PSPC1: variants seen among roughly 807,000 people sequenced by gnomAD.
PSPC1 encodes the protein paraspeckle component 1.
In PSPC1, 14 loss-of-function variants were observed where a neutral mutation model predicts 51.6. The observed-to-expected ratio is 0.27, with a 90% confidence interval of 0.18 to 0.42. The LOEUF (loss-of-function observed/expected upper bound fraction) is 0.42, where lower values mean the gene tolerates loss of function less well. Among genes scored for constraint, PSPC1 ranks in the 10% least tolerant of loss-of-function variants. PSPC1 has a pLI of 1.00. For synonymous variants in PSPC1, 193 were observed against 231.9 expected, an observed-to-expected ratio of 0.83 and a Z score of 1.53; for missense variants, 406 against 701.1, an observed-to-expected ratio of 0.58 and a Z score of 4.75.
intron 7 of PSPC1, 128 bp from the exon 8 acceptor site, chr13:19,705,959 A>G (rs1215128846): frequency 4.3e-6 from 3 of 703,336 alleles, no homozygotes; most frequent in Non-Finnish European, 6.6e-6. Context: ...TAAGAATGCG[A>G]TATGCGTTAT....
At chr13:19,722,611 C>T (rs933633987) in intron 6 of PSPC1, among the ~76,000 whole-genome samples, 13 of 151,326 alleles carry the variant, frequency 8.6e-5, no homozygotes, top group African/African-American at 3.2e-4. Context: ...CTGGCCAACA[C>T]GGTGAAACCC....
At chr13:19,762,935 G>A (rs377507302) in intron 2 of PSPC1, among the ~76,000 whole-genome samples, 4 of 151,960 alleles carry the variant, frequency 2.6e-5, no homozygotes, top group South Asian at 2.1e-4. Flanking sequence ...GTGAAACCCC[G>A]TCTCTACTAA....
At chr13:19,752,590 A>T (rs574832873) in intron 3 of PSPC1, among the ~76,000 whole-genome samples, 2,427 of 149,996 alleles carry the variant, frequency 0.016, 56 homozygotes, top group African/African-American at 0.054. Context: ...TTATTTATTT[A>T]TTTATTTATT....
chr13:19,734,249 AGAG>A (rs1433848122), intron 5 of PSPC1, among the ~76,000 whole-genome samples: 9 of 152,212 alleles, frequency 5.9e-5, no homozygotes, highest in Non-Finnish European at 1.0e-4. Flanking sequence ...ACTACTAAGG[AGAG>A]GAGAACTAGT....
intron 6 of PSPC1, among the ~76,000 whole-genome samples, chr13:19,721,870 C>T (rs1017917012): frequency 7.9e-5 from 12 of 152,176 alleles, no homozygotes; most frequent in Non-Finnish European, 1.2e-4. Context: ...TACTTAATCA[C>T]GTATGAAGTC....
At chr13:19,671,540 T>A (rs1876125519), downstream of PSPC1, among the ~76,000 whole-genome samples, 1 of 152,202 alleles carries the variant, frequency 6.6e-6, no homozygotes, top group African/African-American at 2.4e-5. Flanking sequence ...TGAATCATGA[T>A]CTAGGCCTTG....
chr13:19,772,559 A>C lies in PSPC1; in HGVS notation c.373-16T>G, dbSNP rs1335986734. 6.4e-7 allele frequency: 1 copy of C among 1,562,720 alleles called. No individual in the cohort carries two copies. The highest frequency in any genetic ancestry group is 1.4e-5 in the African/African-American group (1 of 72,580). On this transcript the variant is annotated splice_polypyrimidine_tract_variant and intron_variant, in intron 1 of 8. Transcript: ENST00000338910. Reference sequence around the variant, plus strand: ...TTCTGGATTCCTTTTTAGGAAGAAAAAACATTTTTAAAAGATGACAGTAAC... The same window carrying C: ...TTCTGGATTCCTTTTTAGGAAGAAACAACATTTTTAAAAGATGACAGTAAC...
At chr13:19,777,030 G>A (rs1889215503) in intron 1 of PSPC1, among the ~76,000 whole-genome samples, 1 of 149,278 alleles carries the variant, frequency 6.7e-6, no homozygotes, top group African/African-American at 2.5e-5. Context: ...AGGCTGAGGA[G>A]TGAGAATCGC....
chr13:19,676,458 C>A (rs570352646), intron 7 of PSPC1, among the ~76,000 whole-genome samples: 1 of 152,204 alleles, frequency 6.6e-6, no homozygotes, highest in Non-Finnish European at 1.5e-5. Context: ...CATTTTTGTG[C>A]TGCATGAGGT....
chr13:19,724,200 C>A (rs1883091155), intron 6 of PSPC1, among the ~76,000 whole-genome samples: 1 of 152,160 alleles, frequency 6.6e-6, no homozygotes, highest in Admixed American at 6.5e-5. Flanking sequence ...CATGTGGAAA[C>A]CACAAAACTG....
At chr13:19,778,240 C>G in intron 1 of PSPC1, among the ~76,000 whole-genome samples, 1 of 122,162 alleles carries the variant, frequency 8.2e-6, no homozygotes, top group East Asian at 2.4e-4. Flanking sequence ...GATTCCGTCT[C>G]AAAAAAAAAA....
intron 4 of PSPC1, among the ~76,000 whole-genome samples, chr13:19,747,190 A>C (rs899941346): frequency 2.6e-5 from 4 of 152,256 alleles, no homozygotes; most frequent in African/African-American, 9.6e-5. Flanking sequence ...TTTTAAAAAC[A>C]AACTGAAAAG....
At chr13:19,741,801 T>C (rs1885461160) in intron 4 of PSPC1, 152 bp from the exon 5 acceptor site, 4 of 500,484 alleles carry the variant, frequency 8.0e-6, no homozygotes, top group Admixed American at 4.1e-5. Context: ...ATATCCTTTC[T>C]GAGCACGTTT....
At chr13:19,744,752 A>G (rs1462933167) in intron 4 of PSPC1, among the ~76,000 whole-genome samples, 5 of 152,066 alleles carry the variant, frequency 3.3e-5, no homozygotes, top group Admixed American at 6.5e-5. Context: ...TTTAGTAGAG[A>G]TGAGGTTTCA....
At chr13:19,754,378 G>A (rs1317623607) in intron 3 of PSPC1, among the ~76,000 whole-genome samples, 2 of 150,754 alleles carry the variant, frequency 1.3e-5, no homozygotes, top group African/African-American at 2.4e-5. Context: ...GAGGCACTGC[G>A]CCCAGCCTTG....
intron 5 of PSPC1, among the ~76,000 whole-genome samples, chr13:19,739,765 AG>A (rs1885235942): frequency 6.6e-6 from 1 of 152,004 alleles, no homozygotes; most frequent in South Asian, 2.1e-4. Flanking sequence ...TTAAAAAAAA[AG>A]TAGAAGAGAT....
intron 5 of PSPC1, among the ~76,000 whole-genome samples, chr13:19,733,095 A>G (rs1884328604): frequency 6.6e-6 from 1 of 152,184 alleles, no homozygotes; most frequent in Admixed American, 6.5e-5. Context: ...TGTACGCACA[A>G]ATGTGCAGGG....
intron 2 of PSPC1, among the ~76,000 whole-genome samples, chr13:19,759,766 G>T (rs1016344688): frequency 6.6e-6 from 1 of 151,654 alleles, no homozygotes; most frequent in African/African-American, 2.4e-5. Context: ...GGACGCTGAG[G>T]CAGGAGAACT....
Position 19,705,730 on chromosome 13 carries a change from C to T in PSPC1, c.1318G>A (p.Gly440Ser). 5 of 1,613,814 alleles carry T rather than the reference C, an allele frequency of 3.1e-6. No individual in the cohort carries two copies. Among genetic ancestry groups the T allele is most frequent in the Non-Finnish European group, 4.2e-6 (5 of 1,179,764 alleles). ...GCTCCTTCTGGTCCCATGGCAGGAC[C>T]AGGACCCATTGGTGGGCCAGGTATA... ...ATIPGPPMGP[G>S]PAMGPEGAAN... Residue 440 changes from glycine (G) to serine (S), a missense_variant, in exon 8 of 9, where the codon GGT becomes AGT. Physicochemically the swap from Gly to Ser is moderately conservative, Grantham distance 56 (BLOSUM62 0). This residue lies in a region of PSPC1 where 34 missense variants were observed against 158.6 expected (regional missense o/e 0.21). Transcript: ENST00000338910.
Sources: allele counts gnomAD v4.1 joint callset (sites outside exome capture counted in the v4.1 genomes callset), GRCh38; gene constraint gnomAD v4.1.1; regional missense constraint gnomAD v4.1.1; transcripts MANE v1.5; gene names NCBI Gene and HGNC (gene_info 2026-07-23, HGNC 2026-07-21).